Variants in DHX35 observed in about 807,000 individuals in gnomAD.
DHX35 encodes the protein DEAH-box helicase 35.
DHX35 carries 84 observed loss-of-function variants against 99.6 expected under a neutral mutation model. That is an observed-to-expected ratio of 0.84 (90% confidence interval 0.71 to 1.01). The LOEUF (loss-of-function observed/expected upper bound fraction) is 1.01. Among genes scored for constraint, DHX35 ranks in the 50% least tolerant of loss-of-function variants. The probability of loss-of-function intolerance (pLI) is 0.00; values close to 1 mark genes in which losing one functional copy is unlikely to be tolerated. For synonymous variants in DHX35, 331 were observed against 316.2 expected, an observed-to-expected ratio of 1.05 and a Z score of -0.50; for missense variants, 852 against 888.5, an observed-to-expected ratio of 0.96 and a Z score of 0.52.
chr20:38,973,912 C>T (rs1488811304), intron 3 of DHX35, among the ~76,000 whole-genome samples: 1 of 152,224 alleles, frequency 6.6e-6, no homozygotes, highest in Non-Finnish European at 1.5e-5. Context: ...TAGTATTCCA[C>T]TCTATGAGTA....
chr20:38,987,907 A>C (rs1448617334), intron 4 of DHX35, among the ~76,000 whole-genome samples: 1 of 152,126 alleles, frequency 6.6e-6, no homozygotes, highest in African/African-American at 2.4e-5. Context: ...ACAGTTGTGA[A>C]CTGTTTCAGG....
chr20:39,025,413 G>T (rs957692774), intron 18 of DHX35, 54 bp downstream of exon 18: 2 of 1,593,842 alleles, frequency 1.3e-6, no homozygotes, highest in African/African-American at 2.7e-5. Context: ...CTGTTGAGTT[G>T]TCTTCCTAAA....
chr20:38,990,427 T>C (rs536511169), intron 5 of DHX35, among the ~76,000 whole-genome samples: 44 of 152,350 alleles, frequency 2.9e-4, no homozygotes, highest in Middle Eastern at 3.4e-3. Flanking sequence ...TAAAGATTCA[T>C]TAATCTGAAA....
intron 2 of DHX35, among the ~76,000 whole-genome samples, chr20:38,970,171 C>T (rs1218724001): frequency 6.6e-6 from 1 of 152,204 alleles, no homozygotes; most frequent in African/African-American, 2.4e-5. Context: ...AGTTCTCCTG[C>T]CTCGGCCTCC....
chr20:39,030,469 A>T, intron 19 of DHX35: 1 of 517,606 alleles, frequency 1.9e-6, no homozygotes, highest in South Asian at 2.6e-5. Context: ...GTTTTTTCTA[A>T]GTGTCCGCGT....
At chr20:39,016,868 CTTT>C (rs777635952) in intron 14 of DHX35, among the ~76,000 whole-genome samples, 2 of 106,442 alleles carry the variant, frequency 1.9e-5, no homozygotes, top group Non-Finnish European at 2.0e-5. Flanking sequence ...GTGCTGTTGT[CTTT>C]TTTTTTTTTT....
intron 15 of DHX35, among the ~76,000 whole-genome samples, chr20:39,020,096 C>A (rs2086849312): frequency 6.6e-6 from 1 of 152,170 alleles, no homozygotes; most frequent in African/African-American, 2.4e-5. Flanking sequence ...CATGTTATTT[C>A]ATTGTGTGTG....
At chr20:39,021,232 C>T (rs1030334098) in intron 15 of DHX35, among the ~76,000 whole-genome samples, 1 of 152,176 alleles carries the variant, frequency 6.6e-6, no homozygotes, top group East Asian at 1.9e-4. Flanking sequence ...GGGCACAAGC[C>T]GCTCATTCCC....
chr20:38,964,631 A>G (rs1440777827), intron 1 of DHX35, among the ~76,000 whole-genome samples: 1 of 152,106 alleles, frequency 6.6e-6, no homozygotes, highest in Non-Finnish European at 1.5e-5. Flanking sequence ...GAGTTTCAGC[A>G]TGGTGGCCAG....
In DHX35 at chr20:39,004,265, C is replaced by CCG. The variant is rs1231061802; in HGVS notation, c.1011+358_1011+359insCG. 4.1e-4 allele frequency among the ~76,000 whole-genome samples: 62 copies of CCG among 152,210 alleles called. 1 individual carries two copies. The East Asian group carries it at 8.2e-3, about 20-fold the overall frequency. ...TATTTTTAGTAGAGACGGGGTTTCA[C>CCG]TAAGTTAGCCAGGATGGTCTCGATC... On this transcript the variant is annotated intron_variant, in intron 11 of 21. Transcript: ENST00000252011.
At chr20:39,024,886 A>G (rs1187195228) in intron 17 of DHX35, among the ~76,000 whole-genome samples, 1 of 152,248 alleles carries the variant, frequency 6.6e-6, no homozygotes, top group Non-Finnish European at 1.5e-5. Context: ...GATACATTCA[A>G]GCATGCCAAA....
chr20:39,030,735 C>G lies in DHX35; in HGVS notation c.1915C>G (p.His639Asp). Residue 639 changes from histidine to aspartate, a missense_variant, in exon 20 of 22, where the codon CAC (histidine) becomes GAC (aspartate). Transcript: ENST00000252011. Reference sequence around the variant, plus strand: ...CCGTGATGACCATGAGCTGCACATACACCCTGCGTCAGTCCTCTATGCAGA... The same window carrying G: ...CCGTGATGACCATGAGCTGCACATAGACCCTGCGTCAGTCCTCTATGCAGA... Reference protein sequence around the residue: ...TIRDDHELHIHPASVLYAEKP... With the variant: ...TIRDDHELHIDPASVLYAEKP... 6.2e-7 allele frequency: 1 copy of G among 1,614,188 alleles called. No individual in the cohort carries two copies. Among genetic ancestry groups the G allele is most frequent in the Non-Finnish European group, 8.5e-7 (1 of 1,180,044 alleles).
intron 3 of DHX35, among the ~76,000 whole-genome samples, chr20:38,975,568 C>T (rs948126178): frequency 1.3e-5 from 2 of 152,150 alleles, no homozygotes; most frequent in Non-Finnish European, 2.9e-5. Flanking sequence ...AGGTAAAAGA[C>T]CACATGATGT....
rs762810078 is a variant in DHX35, at chr20:39,006,342, A to G, written c.1208A>G (p.Tyr403Cys). ...RGGRSRSGKCYRLYTEEAFDK... is the reference protein window; with the variant it reads ...RGGRSRSGKCCRLYTEEAFDK... ...GGTCGTAGTCGCTCGGGAAAATGTT[A>G]TCGCCTTTATACAGGTTAGTGTGGC... is the stretch of plus-strand genomic sequence containing the variant. The change falls in exon 12 of 22, where the codon TAT (tyrosine) becomes TGT (cysteine). Residue 403 changes from tyrosine (Y) to cysteine (C), a missense_variant. Tyr to Cys is a radical substitution (Grantham distance 194, BLOSUM62 -2). Transcript: ENST00000252011. The G allele has an allele frequency of 8.1e-6, 13 of 1,614,154 alleles. No individual in the cohort carries two copies. Among genetic ancestry groups the G allele is most frequent in the Admixed American group, 1.7e-5 (1 of 60,018 alleles).
At chr20:39,006,434 C>G in intron 12 of DHX35, 78 bp downstream of exon 12, 1 of 1,486,548 alleles carries the variant, frequency 6.7e-7, no homozygotes, top group Non-Finnish European at 9.3e-7. Context: ...ATGTTTACTC[C>G]TAATGGTAGA....
Position 39,038,490 on chromosome 20 carries a change from C to T in DHX35, c.2068-9C>T, listed in dbSNP as rs761209784. On this transcript the variant is annotated splice_polypyrimidine_tract_variant and intron_variant, in intron 21 of 21. Coordinates refer to ENST00000252011, the MANE Select transcript of DHX35 (RefSeq NM_021931.4). The stretch of plus-strand genomic sequence containing the variant: ...AACCCCAACTGTAGTGTCTTCTCTT[C>T]TGTTGCAGCACCTGTCTCTGAAAGC... 13 of 1,613,722 alleles carry T rather than the reference C, an allele frequency of 8.1e-6. No individual in the cohort carries two copies. In the Admixed American group the frequency reaches 2.2e-4, roughly 27 times the overall value.
intron 3 of DHX35, among the ~76,000 whole-genome samples, chr20:38,977,515 C>G (rs1460740884): frequency 1.3e-5 from 2 of 151,974 alleles, no homozygotes; most frequent in African/African-American, 4.8e-5. Context: ...CATGTCTGAC[C>G]ACCACTACTA....
At position 39,021,432 on chromosome 20, in the gene DHX35, C is replaced by A. The variant is rs1201838673; in HGVS notation, c.1499-409C>A. 2.6e-5 allele frequency among the ~76,000 whole-genome samples: 4 copies of A among 152,332 alleles called. No homozygotes were observed. In the South Asian group the frequency reaches 8.3e-4, roughly 32 times the overall value. ...GGAGTCCTTCAAGGCTACTATTCATCTGGGTTACATATGGGACTTCACATT... is the reference window on the plus strand; with the variant it reads ...GGAGTCCTTCAAGGCTACTATTCATATGGGTTACATATGGGACTTCACATT... On this transcript the variant is annotated intron_variant, in intron 15 of 21. Coordinates refer to ENST00000252011, the MANE Select transcript of DHX35 (RefSeq NM_021931.4).
chr20:39,006,426 G>C (rs1260550341), intron 12 of DHX35, 70 bp downstream of exon 12: 1 of 1,528,318 alleles, frequency 6.5e-7, no homozygotes, highest in Non-Finnish European at 9.0e-7. Context: ...TGTAGCAAAT[G>C]TTTACTCCTA....
Sources: gnomAD v4.1 joint callset for allele counts (sites outside exome capture counted in the v4.1 genomes callset) on GRCh38, gnomAD v4.1.1 for gene constraint, MANE v1.5 for transcripts, NCBI Gene and HGNC (gene_info 2026-07-23, HGNC 2026-07-21) for gene names.